The following TMEM154 variants were observed in gnomAD, a reference collection of about 807,000 sequenced individuals.
TMEM154 encodes transmembrane protein 154.
In TMEM154, 27 loss-of-function variants were observed where a neutral mutation model predicts 24.5. That is an observed-to-expected ratio of 1.10 (90% CI 0.81 to 1.52). The LOEUF (loss-of-function observed/expected upper bound fraction) is 1.52. Ranked by LOEUF, TMEM154 falls within the 40% of genes most tolerant of loss-of-function variation. The pLI is 0.00. For synonymous variants in TMEM154, 67 were observed against 76.8 expected, an observed-to-expected ratio of 0.87 and a Z score of 0.67; for missense variants, 228 against 213.4, an observed-to-expected ratio of 1.07 and a Z score of -0.43.
chr4:152,650,853 G>A (rs1435714317), intron 3 of TMEM154, among the ~76,000 whole-genome samples: 1 of 152,194 alleles, frequency 6.6e-6, no homozygotes, highest in East Asian at 1.9e-4. Context: ...CAGGCCTCTT[G>A]GGTGACCAGG....
intron 4 of TMEM154, 41 bp from the exon 5 acceptor site, chr4:152,643,214 A>G: frequency 1.4e-6 from 2 of 1,390,726 alleles, no homozygotes; most frequent in Admixed American, 3.9e-5. Context: ...AAGAAATGTG[A>G]AAGATGCCTA....
chr4:152,660,382 C>CT (rs1554012958), intron 1 of TMEM154, among the ~76,000 whole-genome samples: 4 of 151,232 alleles, frequency 2.6e-5, no homozygotes, highest in African/African-American at 9.8e-5. Flanking sequence ...CCCCGCCCCC[C>CT]CCTCACTTTA....
At chr4:152,663,528 G>A (rs1178823230) in intron 1 of TMEM154, among the ~76,000 whole-genome samples, 1 of 152,366 alleles carries the variant, frequency 6.6e-6, no homozygotes, top group East Asian at 1.9e-4. Context: ...CCAGATCACT[G>A]GGTGTGAGGG....
At chr4:152,673,252 CTTT>C (rs1207484297) in intron 1 of TMEM154, among the ~76,000 whole-genome samples, 2 of 151,344 alleles carry the variant, frequency 1.3e-5, no homozygotes, top group Non-Finnish European at 2.9e-5. Flanking sequence ...CATAGTAATC[CTTT>C]TTTTCTTTTT....
At chr4:152,632,188 T>A (rs1752058157) in intron 6 of TMEM154, among the ~76,000 whole-genome samples, 1 of 152,160 alleles carries the variant, frequency 6.6e-6, no homozygotes, top group South Asian at 2.1e-4. Flanking sequence ...ATATAATATT[T>A]TTCTATATTT....
intron 1 of TMEM154, among the ~76,000 whole-genome samples, chr4:152,659,632 A>G (rs185437282): frequency 6.6e-6 from 1 of 152,326 alleles, no homozygotes; most frequent in Non-Finnish European, 1.5e-5. Context: ...CATGTGCCCT[A>G]TAAGTATGTA....
Position 152,628,565 on chromosome 4 carries a change from TAAAAAAAAAAAA to T in TMEM154, c.537-16_537-5del, listed in dbSNP as rs747613909. On this transcript the variant is annotated splice_region_variant and splice_polypyrimidine_tract_variant and intron_variant, in intron 6 of 6. Transcript: ENST00000304385. ...TCAGGTTTAGGATTCACTGTCACTGTAAAAAAAAAAAAAAAAAAAAAAAAAAACAAAAAAAAC... is the reference window on the plus strand; with the variant it reads ...TCAGGTTTAGGATTCACTGTCACTGTAAAAAAAAAAAAAAACAAAAAAAAC... 21 of 518,588 alleles carry T rather than the reference TAAAAAAAAAAAA, an allele frequency of 4.0e-5. No homozygotes were observed. In the African/African-American group the frequency reaches 5.2e-4, roughly 13 times the overall value. The allele number at this position is 518,588 out of a possible 1,614,324, so 32.1% of individuals were successfully genotyped here. A position where few individuals can be genotyped will look rare whatever the true frequency, so the allele number is the denominator to read the frequency against.
chr4:152,632,740 G>A (rs954165578), intron 6 of TMEM154, among the ~76,000 whole-genome samples: 3 of 152,114 alleles, frequency 2.0e-5, no homozygotes, highest in Non-Finnish European at 2.9e-5. Flanking sequence ...GTGTGCTAAC[G>A]AGTGGCTTTT....
In TMEM154 at chr4:152,627,597, C is replaced by A. The variant is rs747783565; in HGVS notation, c.*949G>T. The A allele has an allele frequency of 5.3e-5, 8 of 152,142 alleles. No individual in the cohort carries two copies. The highest frequency in any genetic ancestry group is 1.0e-4 in the Non-Finnish European group (7 of 68,036). The allele number at this position is 152,142 out of a possible 1,614,324, so 9.4% of individuals were successfully genotyped here. ...GGACATGAGGCTTATCCCAGCTTGG[C>A]GGGAGAGAATGCTAAGCATGATGAG... is the stretch of plus-strand genomic sequence containing the variant. On this transcript the variant is annotated 3_prime_UTR_variant, in exon 7 of 7. Coordinates refer to ENST00000304385, the MANE Select transcript of TMEM154 (RefSeq NM_152680.3).
Position 152,628,175 on chromosome 4 carries a change from C to A in TMEM154, c.*371G>T. ...GATAAAACAGCTTCCTGATTTAGGC[C>A]CTAAGGAATGAAGCAGAAAGGTGAC... On this transcript the variant is annotated 3_prime_UTR_variant, in exon 7 of 7. Transcript: ENST00000304385. 3.9e-6 allele frequency: 1 copy of A among 255,072 alleles called. No homozygotes were observed. Among genetic ancestry groups the A allele is most frequent in the Non-Finnish European group, 7.5e-6 (1 of 133,790 alleles). The allele number at this position is 255,072 out of a possible 1,614,324, so 15.8% of individuals were successfully genotyped here.
At chr4:152,629,389 G>A (rs1751989954) in intron 6 of TMEM154, among the ~76,000 whole-genome samples, 1 of 152,164 alleles carries the variant, frequency 6.6e-6, no homozygotes, top group African/African-American at 2.4e-5. Context: ...CGGGCATCCT[G>A]GGGTGTGAGC....
intron 6 of TMEM154, among the ~76,000 whole-genome samples, chr4:152,628,934 T>G (rs558120448): frequency 6.6e-6 from 1 of 152,034 alleles, no homozygotes; most frequent in East Asian, 1.9e-4. Flanking sequence ...TGTGAGCCAC[T>G]GCACCCGGCC....
intron 1 of TMEM154, 91 bp downstream of exon 1, chr4:152,679,779 G>T: frequency 6.6e-7 from 1 of 1,523,132 alleles, no homozygotes; most frequent in Non-Finnish European, 8.9e-7. Context: ...TTTTCTGGGT[G>T]TCACCCTCCC....
At chr4:152,632,299 T>G (rs1027999765) in intron 6 of TMEM154, among the ~76,000 whole-genome samples, 2 of 152,216 alleles carry the variant, frequency 1.3e-5, no homozygotes, top group African/African-American at 2.4e-5. Flanking sequence ...CAAATGTTAG[T>G]CAGTTGTCCC....
chr4:152,679,764 T>G, intron 1 of TMEM154, 106 bp downstream of exon 1: 1 of 1,467,644 alleles, frequency 6.8e-7, no homozygotes, highest in Non-Finnish European at 9.3e-7. Context: ...ACAGAAAGGA[T>G]TAGATTTTCT....
chr4:152,645,049 T>TC, intron 3 of TMEM154, among the ~76,000 whole-genome samples: 1 of 152,134 alleles, frequency 6.6e-6, no homozygotes, highest in Non-Finnish European at 1.5e-5. Flanking sequence ...TTCCTGTTGC[T>TC]CCCCAGCTCA....
intron 6 of TMEM154, among the ~76,000 whole-genome samples, chr4:152,634,692 TTAA>T (rs1158373070): frequency 2.0e-5 from 3 of 152,238 alleles, no homozygotes; most frequent in African/African-American, 4.8e-5. Context: ...CATCTGTGTT[TTAA>T]TAATATTATT....
In TMEM154 at chr4:152,626,683, A is replaced by G. The variant is rs1197502726; in HGVS notation, c.*1863T>C. The G allele has an allele frequency of 1.3e-5, 2 of 152,214 alleles. No individual in the cohort carries two copies. Among genetic ancestry groups the G allele is most frequent in the East Asian group, 3.8e-4 (2 of 5,202 alleles). 9.4% of individuals were successfully genotyped at this position (152,214 alleles called of 1,614,324 possible). A position where few individuals can be genotyped will look rare whatever the true frequency, so the allele number is the denominator to read the frequency against. ...CAGGACCCCAGATGCCTCTCTGAGA[A>G]GTTCATTATTTGATAGGGTTGGATC... On this transcript the variant is annotated 3_prime_UTR_variant, in exon 7 of 7. Transcript: ENST00000304385.
At chr4:152,632,723 T>C (rs1316560949) in intron 6 of TMEM154, among the ~76,000 whole-genome samples, 1 of 152,228 alleles carries the variant, frequency 6.6e-6, no homozygotes, top group Non-Finnish European at 1.5e-5. Context: ...ATATTACCAA[T>C]GTTGGTGTGT....
Sources: gnomAD v4.1 joint callset for allele counts (sites outside exome capture counted in the v4.1 genomes callset) on GRCh38, gnomAD v4.1.1 for gene constraint, MANE v1.5 for transcripts, NCBI Gene and HGNC (gene_info 2026-07-23, HGNC 2026-07-21) for gene names.